Variants in CTNNA3 observed in about 807,000 individuals in gnomAD.
The protein encoded by CTNNA3 is catenin alpha-3.
In CTNNA3, 76 loss-of-function variants were observed where a neutral mutation model predicts 95.7. The observed-to-expected ratio is 0.79, with a 90% confidence interval of 0.66 to 0.96. The LOEUF (loss-of-function observed/expected upper bound fraction) is 0.96, where lower values mean the gene tolerates loss of function less well. CTNNA3 is among the 40% of genes least tolerant of loss of function. CTNNA3 has a pLI of 0.00. For synonymous variants in CTNNA3, 431 were observed against 374.4 expected, an observed-to-expected ratio of 1.15 and a Z score of -1.74; for missense variants, 1,191 against 1,089.8, an observed-to-expected ratio of 1.09 and a Z score of -1.31.
intron 12 of CTNNA3, among the ~76,000 whole-genome samples, chr10:66,321,664 G>A (rs993368695): frequency 3.9e-5 from 6 of 151,966 alleles, no homozygotes; most frequent in Non-Finnish European, 7.4e-5. Flanking sequence ...AATACTGATT[G>A]TTTCCATAAA....
At chr10:67,621,402 T>A (rs1156704297) in intron 2 of CTNNA3, among the ~76,000 whole-genome samples, 1 of 152,130 alleles carries the variant, frequency 6.6e-6, no homozygotes, top group African/African-American at 2.4e-5. Flanking sequence ...TGTGAGATAA[T>A]GCCCATTTCT....
chr10:66,485,680 T>C (rs1055393341), intron 11 of CTNNA3, among the ~76,000 whole-genome samples: 4 of 152,116 alleles, frequency 2.6e-5, no homozygotes, highest in Non-Finnish European at 5.9e-5. Context: ...AAATAATCTA[T>C]AGATTCCATG....
chr10:67,661,630 A>G (rs1840192262), intron 1 of CTNNA3, among the ~76,000 whole-genome samples: 1 of 152,212 alleles, frequency 6.6e-6, no homozygotes, highest in Admixed American at 6.5e-5. Flanking sequence ...GAAAATCTAC[A>G]TATGACAAAG....
chr10:67,650,953 C>T (rs1043576112), intron 1 of CTNNA3, among the ~76,000 whole-genome samples: 1 of 152,054 alleles, frequency 6.6e-6, no homozygotes. Flanking sequence ...CACATAACCA[C>T]CACCCCCTCC....
chr10:65,982,240 GA>G lies in CTNNA3; in HGVS notation c.2265+6451del, dbSNP rs371236929. Among the ~76,000 whole-genome samples, 85 of 150,798 alleles carry G rather than the reference GA, an allele frequency of 5.6e-4. No homozygotes were observed. The East Asian group carries it at 0.011, about 20-fold the overall frequency. On this transcript the variant is annotated intron_variant, in intron 16 of 17. Transcript: ENST00000433211. Reference sequence around the variant, plus strand: ...ATATACAAATGGCCAACAAGCATATGAAAAAAATGTTCAACTCACTAATTAT... The same window carrying G: ...ATATACAAATGGCCAACAAGCATATGAAAAAATGTTCAACTCACTAATTAT...
At chr10:66,442,379 G>C (rs2093381363) in intron 11 of CTNNA3, among the ~76,000 whole-genome samples, 1 of 151,918 alleles carries the variant, frequency 6.6e-6, no homozygotes, top group Non-Finnish European at 1.5e-5. Context: ...TTCTTCAAAA[G>C]CTCTTGACCT....
At chr10:66,005,969 T>C (rs7095045) in intron 15 of CTNNA3, among the ~76,000 whole-genome samples, 21,065 of 151,212 alleles carry the variant, frequency 0.14, 1,539 homozygotes, top group East Asian at 0.2. Context: ...AGTGGTGCCT[T>C]TCCAGACTCA....
At chr10:66,397,528 C>T (rs1426699036) in intron 11 of CTNNA3, among the ~76,000 whole-genome samples, 1 of 151,706 alleles carries the variant, frequency 6.6e-6, no homozygotes, top group East Asian at 1.9e-4. Context: ...CATTCAATAT[C>T]TCTTTCATTG....
At chr10:66,738,422 C>T (rs904878541) in intron 9 of CTNNA3, among the ~76,000 whole-genome samples, 10 of 152,298 alleles carry the variant, frequency 6.6e-5, no homozygotes, top group South Asian at 6.2e-4. Context: ...TGCTCACAAG[C>T]TGCATCTCTG....
At chr10:67,530,387 T>C (rs1215431563) in intron 4 of CTNNA3, among the ~76,000 whole-genome samples, 1 of 152,212 alleles carries the variant, frequency 6.6e-6, no homozygotes, top group Non-Finnish European at 1.5e-5. Context: ...GCTGAGGTGG[T>C]CTCAGCTGGA....
At position 65,925,703 on chromosome 10, in the gene CTNNA3, C is replaced by A. The variant is rs138840457; in HGVS notation, c.2401-5086G>T. 2.2e-4 allele frequency among the ~76,000 whole-genome samples: 34 copies of A among 152,290 alleles called. No homozygotes were observed. In the East Asian group the frequency reaches 6.6e-3, roughly 29 times the overall value. ...CCGCCTTCCTTGGCCTCCCAAAGTG[C>A]TGGGATTACAGGCATAAGTCACTGC... is the stretch of plus-strand genomic sequence containing the variant. On this transcript the variant is annotated intron_variant, in intron 17 of 17. Transcript: ENST00000433211.
chr10:66,962,980 A>ATGAG (rs1205756057), intron 7 of CTNNA3, among the ~76,000 whole-genome samples: 1 of 152,036 alleles, frequency 6.6e-6, no homozygotes, highest in African/African-American at 2.4e-5. Flanking sequence ...TGTTGACTGA[A>ATGAG]TGAATGAATG....
chr10:67,657,211 G>A (rs1380189932), intron 1 of CTNNA3, among the ~76,000 whole-genome samples: 2 of 152,162 alleles, frequency 1.3e-5, no homozygotes, highest in African/African-American at 2.4e-5. Flanking sequence ...TAACTGAGGT[G>A]GGAATGGCTG....
chr10:67,312,516 C>A (rs114031244), intron 5 of CTNNA3, among the ~76,000 whole-genome samples: 6,763 of 152,126 alleles, frequency 0.044, 157 homozygotes, highest in South Asian at 0.097. Context: ...GGAAAATAAG[C>A]CAACAAAAAC....
At chr10:67,114,898 A>G (rs1445952729) in intron 7 of CTNNA3, among the ~76,000 whole-genome samples, 1 of 152,116 alleles carries the variant, frequency 6.6e-6, no homozygotes, top group African/African-American at 2.4e-5. Context: ...GTGGAGTTTA[A>G]TGCAGCTTTG....
chr10:67,163,430 CAA>C (rs1861632740), intron 7 of CTNNA3, among the ~76,000 whole-genome samples: 1 of 151,894 alleles, frequency 6.6e-6, no homozygotes, highest in Admixed American at 6.6e-5. Context: ...ATTTATCACA[CAA>C]ACTCTCCAAA....
intron 13 of CTNNA3, among the ~76,000 whole-genome samples, chr10:66,154,877 A>G (rs1416414089): frequency 6.6e-6 from 1 of 151,286 alleles, no homozygotes; most frequent in Non-Finnish European, 1.5e-5. Flanking sequence ...CAGTTCTTTT[A>G]GAGGAATATG....
rs184283919 is a variant in CTNNA3 at position 66,973,861 on chromosome 10, A to T, written c.1048-198337T>A. Among the ~76,000 whole-genome samples, 675 of 152,238 alleles carry T rather than the reference A, an allele frequency of 4.4e-3. 7 individuals carry two copies. Among genetic ancestry groups the T allele is most frequent in the Middle Eastern group, 0.01 (3 of 294 alleles). The stretch of plus-strand genomic sequence containing the variant: ...CTGGTCTTGAACTCCTGACCTCAAG[A>T]TTTATCCCCCTCGGCCTCCCAAAGT... On this transcript the variant is annotated intron_variant, in intron 7 of 17. Transcript: ENST00000433211.
intron 12 of CTNNA3, among the ~76,000 whole-genome samples, chr10:66,287,258 G>C (rs2091604037): frequency 6.6e-6 from 1 of 152,074 alleles, no homozygotes; most frequent in Non-Finnish European, 1.5e-5. Flanking sequence ...TCACACCACT[G>C]CAGTTCAGCC....
Sources: gnomAD v4.1 joint callset for allele counts (sites outside exome capture counted in the v4.1 genomes callset) on GRCh38, gnomAD v4.1.1 for gene constraint, MANE v1.5 for transcripts, NCBI Gene and HGNC (gene_info 2026-07-23, HGNC 2026-07-21) for gene names.